NADSYN1: variants seen among roughly 807,000 people sequenced by gnomAD.
The protein encoded by NADSYN1 is glutamine-dependent NAD(+) synthetase.
Under a neutral mutation model 99.3 loss-of-function variants are expected in NADSYN1, and 80 were observed. The ratio of observed to expected loss-of-function variants is 0.81; its 90% CI spans 0.67 to 0.97. The LOEUF (loss-of-function observed/expected upper bound fraction) is 0.97. NADSYN1 is among the 50% of genes least tolerant of loss of function. The pLI is 0.00. For synonymous variants in NADSYN1, 385 were observed against 372.1 expected (o/e 1.03, Z -0.40); for missense variants, 859 against 948.5 (o/e 0.91, Z 1.24).
intron 3 of NADSYN1, among the ~76,000 whole-genome samples, chr11:71,459,478 C>T (rs769168350): frequency 2.3e-4 from 35 of 152,152 alleles, no homozygotes; most frequent in Middle Eastern, 3.4e-3. Context: ...GGCCTCTGCA[C>T]GTGCTGTGCT....
chr11:71,484,431 C>A lies in NADSYN1; in HGVS notation c.1439C>A (p.Ala480Glu), dbSNP rs150460226. 5.9e-5 allele frequency: 96 copies of A among 1,613,674 alleles called. No homozygotes were observed. The highest frequency in any genetic ancestry group is 7.0e-5 in the Non-Finnish European group (83 of 1,179,852). ...GGAGGAAGCAGCAGGGAAAACCTGG[C>A]GCTGCAAAATGTGCAGGTGCCCCCG... Reference protein sequence around the residue: ...AHGGSSRENLALQNVQARIRM... With the variant: ...AHGGSSRENLELQNVQARIRM... Residue 480 changes from alanine to glutamate, a missense_variant, in exon 15 of 21, where the codon GCG (alanine) becomes GAG (glutamate). Physicochemically the swap from Ala to Glu is moderately radical, Grantham distance 107 (BLOSUM62 -1). Transcript: ENST00000319023.
At chr11:71,481,678 G>A in intron 12 of NADSYN1, 1 of 600,808 alleles carries the variant, frequency 1.7e-6, no homozygotes, top group South Asian at 2.0e-5. Flanking sequence ...TTGTAATCAT[G>A]CGTATCTGCA....
intron 20 of NADSYN1, chr11:71,499,342 A>G (rs1949842693): frequency 6.6e-6 from 1 of 152,110 alleles, no homozygotes; most frequent in Non-Finnish European, 1.5e-5. Flanking sequence ...TTCTATTTTT[A>G]ATCTTTGGAG....
rs754441225 is a variant in NADSYN1 at position 71,497,717 on chromosome 11, C to T, written c.1893+106C>T. 3.8e-5 allele frequency: 53 copies of T among 1,390,794 alleles called. 1 individual carries two copies. Among genetic ancestry groups the T allele is most frequent in the South Asian group, 3.1e-4 (25 of 81,720 alleles). 86.2% of individuals were successfully genotyped at this position (1,390,794 alleles called of 1,614,324 possible). A position where few individuals can be genotyped will look rare whatever the true frequency, so the allele number is the denominator to read the frequency against. On this transcript the variant is annotated intron_variant, in intron 19 of 20. Transcript: ENST00000319023. The stretch of plus-strand genomic sequence containing the variant: ...CAAGTAGATAACAGTGTGACCCTAA[C>T]GTAATAAAACTGTATCTCACACAGT...
intron 10 of NADSYN1, chr11:71,479,643 TCA>T (rs1419142309): frequency 1.3e-5 from 2 of 151,510 alleles, no homozygotes; most frequent in Non-Finnish European, 2.9e-5. Flanking sequence ...TGGGATGAAA[TCA>T]CACAGTGTAT....
At chr11:71,473,726 A>G in intron 8 of NADSYN1, 40 bp downstream of exon 8, 1 of 1,419,450 alleles carries the variant, frequency 7.0e-7, no homozygotes, top group Non-Finnish European at 9.9e-7. Flanking sequence ...CAGGGCAGAC[A>G]CTGTATCTCA....
In NADSYN1 at chr11:71,501,603, G is replaced by T; in HGVS notation, c.*251G>T. 1.9e-6 allele frequency: 1 copy of T among 515,458 alleles called. No individual in the cohort carries two copies. The highest frequency in any genetic ancestry group is 3.4e-6 in the Non-Finnish European group (1 of 291,300). The allele number at this position is 515,458 out of a possible 1,614,324, so 31.9% of individuals were successfully genotyped here. ...AGCGTGCGCTTCCCCGCGAAGTCTG[G>T]CATTCTCCGAAGGAAGCCGCCTGGG... On this transcript the variant is annotated 3_prime_UTR_variant, in exon 21 of 21. Transcript: ENST00000319023.
rs142449261 is a variant in NADSYN1 at position 71,473,666 on chromosome 11, G to A, written c.646G>A (p.Val216Met). ...CAAAGCCAACACCAGGGTGGATCTC[G>A]TGACTATGGTCACCAGCAAGGTAGG... Reference protein sequence around the residue: ...LRKANTRVDLVTMVTSKNGGI... With the variant: ...LRKANTRVDLMTMVTSKNGGI... Residue 216 changes from valine (V) to methionine (M), a missense_variant, in exon 8 of 21, where the codon GTG becomes ATG. Coordinates refer to ENST00000319023, the MANE Select transcript of NADSYN1 (RefSeq NM_018161.5). The A allele has an allele frequency of 9.3e-6, 15 of 1,612,476 alleles. No individual in the cohort carries two copies. Among genetic ancestry groups the A allele is most frequent in the East Asian group, 8.9e-5 (4 of 44,884 alleles).
chr11:71,496,191 A>G (rs1284000006), intron 18 of NADSYN1, among the ~76,000 whole-genome samples: 1 of 152,196 alleles, frequency 6.6e-6, no homozygotes, highest in East Asian at 1.9e-4. Flanking sequence ...AACAACAGGA[A>G]TTGCTTCCCT....
intron 13 of NADSYN1, 198 bp from the exon 14 acceptor site, chr11:71,482,651 A>G (rs112842528): frequency 0.016 from 5,333 of 334,938 alleles, 93 homozygotes; most frequent in African/African-American, 0.048. Context: ...GGAGCCGCAC[A>G]GGCACCTGGG....
chr11:71,461,367 T>C (rs948686294), intron 3 of NADSYN1, among the ~76,000 whole-genome samples: 7 of 152,204 alleles, frequency 4.6e-5, no homozygotes, highest in African/African-American at 1.7e-4. Flanking sequence ...GTCAGGCATC[T>C]TCCATGGCAA....
chr11:71,461,572 G>C (rs942142809), intron 3 of NADSYN1, among the ~76,000 whole-genome samples: 4 of 152,102 alleles, frequency 2.6e-5, no homozygotes, highest in Non-Finnish European at 4.4e-5. Flanking sequence ...GGGACTACAG[G>C]CATGCACCAC....
chr11:71,472,130 G>A (rs1405956821), intron 5 of NADSYN1, among the ~76,000 whole-genome samples: 1 of 152,152 alleles, frequency 6.6e-6, no homozygotes, highest in Non-Finnish European at 1.5e-5. Flanking sequence ...TCTCCATGAG[G>A]CAACGTGGCC....
At position 71,455,177 on chromosome 11, in the gene NADSYN1, A is replaced by G. The variant is rs762468433; in HGVS notation, c.146+7A>G. On this transcript the variant is annotated splice_region_variant and intron_variant, in intron 2 of 20. Coordinates refer to ENST00000319023, the MANE Select transcript of NADSYN1 (RefSeq NM_018161.5). ...GACCAGAGCTGGAAATATGGTGAGA[A>G]CAGACACAGACACCCTGGGGTCGTC... 7.5e-6 allele frequency: 12 copies of G among 1,610,590 alleles called. No individual in the cohort carries two copies. Among genetic ancestry groups the G allele is most frequent in the East Asian group, 2.2e-5 (1 of 44,882 alleles).
chr11:71,483,432 A>G (rs1949722050), intron 14 of NADSYN1, among the ~76,000 whole-genome samples: 1 of 152,178 alleles, frequency 6.6e-6, no homozygotes, highest in Non-Finnish European at 1.5e-5. Flanking sequence ...CAGGGTGTGC[A>G]GCAGGTCCTG....
chr11:71,491,963 G>A lies in NADSYN1; in HGVS notation c.1764+60G>A, dbSNP rs928050675. Reference sequence around the variant, plus strand: ...CCTCCTCCCCACCTCCTGTGTGGTGGTGCTGGCTCTTCCTACCTCCCTCCT... The same window carrying A: ...CCTCCTCCCCACCTCCTGTGTGGTGATGCTGGCTCTTCCTACCTCCCTCCT... On this transcript the variant is annotated intron_variant, in intron 18 of 20. Coordinates refer to ENST00000319023, the MANE Select transcript of NADSYN1 (RefSeq NM_018161.5). 2.1e-4 allele frequency: 320 copies of A among 1,512,708 alleles called. 1 individual carries two copies. The highest frequency in any genetic ancestry group is 1.8e-4 in the Middle Eastern group (1 of 5,514). 93.7% of individuals were successfully genotyped at this position (1,512,708 alleles called of 1,614,324 possible). A position where few individuals can be genotyped will look rare whatever the true frequency, so the allele number is the denominator to read the frequency against.
At chr11:71,491,359 C>T (rs1197722811) in intron 17 of NADSYN1, among the ~76,000 whole-genome samples, 2 of 152,266 alleles carry the variant, frequency 1.3e-5, no homozygotes, top group East Asian at 1.9e-4. Flanking sequence ...TTCCCTGCCA[C>T]GGGAATGTGT....
Position 71,483,026 on chromosome 11 carries a change from G to A in NADSYN1, c.1319+9G>A, listed in dbSNP as rs374650030. 6 of 1,611,454 alleles carry A rather than the reference G, an allele frequency of 3.7e-6. No homozygotes were observed. Among genetic ancestry groups the A allele is most frequent in the African/African-American group, 1.3e-5 (1 of 74,792 alleles). ...GCCCAGCAGATTGGAAGGTAGAGTT[G>A]GTCCCTGGTATTGGGCATGGCAGGT... On this transcript the variant is annotated intron_variant, in intron 14 of 20. Transcript: ENST00000319023.
At position 71,478,328 on chromosome 11, in the gene NADSYN1, G is replaced by A. The variant is rs1312543831; in HGVS notation, c.799-67G>A. On this transcript the variant is annotated intron_variant, in intron 9 of 20. Coordinates refer to ENST00000319023, the MANE Select transcript of NADSYN1 (RefSeq NM_018161.5). ...AGGTGTGACAACACCTTTGACAGTG[G>A]CCAAATTACACGTGGGAGTTGAACA... 6 of 1,359,022 alleles carry A rather than the reference G, an allele frequency of 4.4e-6. No homozygotes were observed. In the African/African-American group the frequency reaches 7.2e-5, roughly 16 times the overall value. 84.2% of individuals were successfully genotyped at this position (1,359,022 alleles called of 1,614,324 possible). A position where few individuals can be genotyped will look rare whatever the true frequency, so the allele number is the denominator to read the frequency against.
Sources: allele counts gnomAD v4.1 joint callset (sites outside exome capture counted in the v4.1 genomes callset), GRCh38; gene constraint gnomAD v4.1.1; transcripts MANE v1.5; gene names NCBI Gene and HGNC (gene_info 2026-07-23, HGNC 2026-07-21).